The following ST6GAL2 variants were observed in gnomAD, a reference collection of about 807,000 sequenced individuals.
ST6GAL2 encodes beta-galactoside alpha-2,6-sialyltransferase 2.
A neutral mutation model predicts 37.5 loss-of-function variants in ST6GAL2; 24 were observed. The ratio of observed to expected loss-of-function variants is 0.64; its 90% CI spans 0.46 to 0.90. The LOEUF (loss-of-function observed/expected upper bound fraction) is 0.90. ST6GAL2 is among the 40% of genes least tolerant of loss of function. The pLI is 0.00. For synonymous variants in ST6GAL2, 306 were observed against 295.1 expected (o/e 1.04, Z -0.38); for missense variants, 715 against 712.7 (o/e 1.00, Z -0.04).
intron 1 of ST6GAL2, among the ~76,000 whole-genome samples, chr2:106,872,828 T>C (rs1678334158): frequency 1.3e-5 from 2 of 152,096 alleles, no homozygotes; most frequent in Admixed American, 1.3e-4. Flanking sequence ...GTGCTTTCAT[T>C]ACATCCTGTG....
intron 1 of ST6GAL2, among the ~76,000 whole-genome samples, chr2:106,849,792 A>G (rs970262843): frequency 1.3e-5 from 2 of 152,226 alleles, no homozygotes; most frequent in Non-Finnish European, 2.9e-5. Context: ...ATTGACTTCA[A>G]GCCTTGAGAC....
chr2:106,823,486 C>CACACACACACAG (rs755735360), intron 5 of ST6GAL2, among the ~76,000 whole-genome samples: 156 of 117,950 alleles, frequency 1.3e-3, no homozygotes, highest in East Asian at 0.012. Flanking sequence ...CACACACACA[C>CACACACACACAG]AGAGAGAGAG....
chr2:106,854,290 C>G (rs991370615), intron 1 of ST6GAL2, among the ~76,000 whole-genome samples: 5 of 152,134 alleles, frequency 3.3e-5, no homozygotes, highest in Admixed American at 1.3e-4. Flanking sequence ...TTTGGATAAG[C>G]CTTAATTTCG....
At chr2:106,867,713 C>T (rs939397936) in intron 1 of ST6GAL2, among the ~76,000 whole-genome samples, 2 of 152,068 alleles carry the variant, frequency 1.3e-5, no homozygotes. Flanking sequence ...CAGCCCGACC[C>T]CCGCCGCCAA....
chr2:106,811,088 A>G (rs1447518563), intron 5 of ST6GAL2, among the ~76,000 whole-genome samples: 1 of 152,198 alleles, frequency 6.6e-6, no homozygotes, highest in Non-Finnish European at 1.5e-5. Flanking sequence ...AGCATGATCA[A>G]TTCATTTAGC....
At position 106,858,776 on chromosome 2, in the gene ST6GAL2, C is replaced by A. The variant is rs573251152; in HGVS notation, c.-57-14742G>T. Among the ~76,000 whole-genome samples the A allele has an allele frequency of 2.6e-5, 4 of 152,174 alleles. No homozygotes were observed. In the South Asian group the frequency reaches 6.2e-4, roughly 24 times the overall value. On this transcript the variant is annotated intron_variant, in intron 1 of 5. Transcript: ENST00000409382. ...TTTGGGGATTGAATGTAGAAGGGAT[C>A]GTGATCCACTCTGCACCTCTGCATC...
intron 3 of ST6GAL2, among the ~76,000 whole-genome samples, chr2:106,833,794 T>C (rs1204738561): frequency 1.3e-5 from 2 of 152,166 alleles, no homozygotes; most frequent in Admixed American, 6.5e-5. Context: ...TATAAATATA[T>C]ATATTTCTAT....
intron 5 of ST6GAL2, chr2:106,824,905 A>G (rs1443537477): frequency 6.6e-6 from 1 of 152,188 alleles, no homozygotes; most frequent in Admixed American, 6.5e-5. Flanking sequence ...TGTGGACTAG[A>G]CTTCTAAAGT....
At chr2:106,866,502 C>T (rs1372183011) in intron 1 of ST6GAL2, among the ~76,000 whole-genome samples, 2 of 152,214 alleles carry the variant, frequency 1.3e-5, no homozygotes, top group Non-Finnish European at 2.9e-5. Flanking sequence ...CTTGGGAGTT[C>T]AGCAGGACTC....
At chr2:106,881,452 T>C (rs1678746534) in intron 1 of ST6GAL2, among the ~76,000 whole-genome samples, 1 of 152,242 alleles carries the variant, frequency 6.6e-6, no homozygotes. Flanking sequence ...CCATATTAAC[T>C]GTACTTTTTT....
intron 1 of ST6GAL2, among the ~76,000 whole-genome samples, chr2:106,864,944 G>A (rs1334681118): frequency 6.6e-6 from 1 of 152,086 alleles, no homozygotes; most frequent in Non-Finnish European, 1.5e-5. Context: ...GGGGAGTGGA[G>A]GAAGAACCCT....
At chr2:106,869,570 C>T (rs1472700565) in intron 1 of ST6GAL2, among the ~76,000 whole-genome samples, 1 of 152,158 alleles carries the variant, frequency 6.6e-6, no homozygotes, top group Admixed American at 6.5e-5. Flanking sequence ...TGCAGACGCC[C>T]CCTCCTGCTG....
At position 106,843,016 on chromosome 2, in the gene ST6GAL2, T is replaced by TC. The variant is rs1046995102; in HGVS notation, c.943+18dup. On this transcript the variant is annotated intron_variant, in intron 2 of 5. Coordinates refer to ENST00000409382, the MANE Select transcript of ST6GAL2 (RefSeq NM_001142351.2). Reference sequence around the variant, plus strand: ...ACTGGCTCAAGACAGGGCGACCTGGTCCCCCCGCTGAGACCTACCTATTTC... The same window carrying TC: ...ACTGGCTCAAGACAGGGCGACCTGGTCCCCCCCGCTGAGACCTACCTATTTC... 13 of 1,371,866 alleles carry TC rather than the reference T, an allele frequency of 9.5e-6. No individual in the cohort carries two copies. In the African/African-American group the frequency reaches 1.7e-4, roughly 17 times the overall value. 85.0% of individuals were successfully genotyped at this position (1,371,866 alleles called of 1,614,324 possible).
chr2:106,853,302 G>A (rs548683749), intron 1 of ST6GAL2, among the ~76,000 whole-genome samples: 2 of 152,304 alleles, frequency 1.3e-5, no homozygotes, highest in Admixed American at 6.5e-5. Context: ...CAACTGCCAG[G>A]CGGATTTTGC....
At chr2:106,827,403 G>T (rs998470542) in intron 5 of ST6GAL2, among the ~76,000 whole-genome samples, 9 of 152,240 alleles carry the variant, frequency 5.9e-5, no homozygotes, top group Non-Finnish European at 7.4e-5. Flanking sequence ...TTTCTGAGCA[G>T]AACTCATCCA....
intron 1 of ST6GAL2, among the ~76,000 whole-genome samples, chr2:106,854,187 G>A (rs1009080287): frequency 1.3e-5 from 2 of 152,160 alleles, no homozygotes; most frequent in Admixed American, 6.5e-5. Context: ...TTCTTTCAGC[G>A]GGTGTTACAG....
Position 106,880,375 on chromosome 2 carries a change from G to A in ST6GAL2, c.-58+5718C>T, listed in dbSNP as rs75045161. Reference sequence around the variant, plus strand: ...TTCATCTCTGTCATCACAGAGAACAGCTAACCAATATGTAGGATTCCAGTC... The same window carrying A: ...TTCATCTCTGTCATCACAGAGAACAACTAACCAATATGTAGGATTCCAGTC... On this transcript the variant is annotated intron_variant, in intron 1 of 5. Transcript: ENST00000409382. Among the ~76,000 whole-genome samples, 998 of 152,274 alleles carry A rather than the reference G, an allele frequency of 6.6e-3. 18 individuals are homozygous for A. The highest frequency in any genetic ancestry group is 0.021 in the African/African-American group (891 of 41,544).
chr2:106,822,745 T>C (rs1020460665), intron 5 of ST6GAL2, among the ~76,000 whole-genome samples: 1 of 152,146 alleles, frequency 6.6e-6, no homozygotes, highest in African/African-American at 2.4e-5. Context: ...GGAAATCACA[T>C]GACCTGACTT....
At position 106,825,827 on chromosome 2, in the gene ST6GAL2, T is replaced by C. The variant is rs867777824; in HGVS notation, c.1318+4239A>G. ...TTTCTTCACCACCAGGTTTCTGGGG[T>C]CCAGTCCTGTGTCTGGCACACAGGA... On this transcript the variant is annotated intron_variant, in intron 5 of 5. Transcript: ENST00000409382. Among the ~76,000 whole-genome samples, 3 of 152,182 alleles carry C rather than the reference T, an allele frequency of 2.0e-5. No homozygotes were observed. In the South Asian group the frequency reaches 6.2e-4, roughly 32 times the overall value.
Sources: gnomAD v4.1 joint callset for allele counts (sites outside exome capture counted in the v4.1 genomes callset) on GRCh38, gnomAD v4.1.1 for gene constraint, MANE v1.5 for transcripts, NCBI Gene and HGNC (gene_info 2026-07-23, HGNC 2026-07-21) for gene names.